The following DOCK1 variants were observed in gnomAD, a reference collection of about 807,000 sequenced individuals.
DOCK1 encodes the protein dedicator of cytokinesis protein 1.
Under a neutral mutation model 262.7 loss-of-function variants are expected in DOCK1, and 138 were observed. The ratio of observed to expected loss-of-function variants is 0.53; its 90% CI spans 0.46 to 0.61. The LOEUF is 0.61. DOCK1 is among the 20% of genes least tolerant of loss of function. DOCK1 has a pLI of 0.00. For synonymous variants in DOCK1, 866 were observed against 867.4 expected (o/e 1.00, Z 0.03); for missense variants, 1,908 against 2,370.7 (o/e 0.80, Z 4.05).
rs1013582320 is a variant in DOCK1 at position 126,941,023 on chromosome 10, C to G, written c.47-29679C>G. ...GATAAACAACCAAAGTAATTATCAT[C>G]TGTACATTCACATTTTTCCATCACA... On this transcript the variant is annotated intron_variant, in intron 1 of 51. Transcript: ENST00000623213. Among the ~76,000 whole-genome samples, 1,384 of 152,300 alleles carry G rather than the reference C, an allele frequency of 9.1e-3. 18 individuals are homozygous for G. Among genetic ancestry groups the G allele is most frequent in the Non-Finnish European group, 0.013 (865 of 68,030 alleles).
intron 29 of DOCK1, among the ~76,000 whole-genome samples, chr10:127,266,690 G>T (rs1265979939): frequency 6.6e-6 from 1 of 152,230 alleles, no homozygotes. Flanking sequence ...TGGTCTCTGA[G>T]AATTTGGGGT....
intron 29 of DOCK1, among the ~76,000 whole-genome samples, chr10:127,266,056 C>T (rs2060341893): frequency 6.6e-6 from 1 of 152,218 alleles, no homozygotes; most frequent in African/African-American, 2.4e-5. Context: ...AAATTAGTGC[C>T]CACGTGCAGG....
At chr10:127,009,559 A>G (rs1177621873) in intron 11 of DOCK1, among the ~76,000 whole-genome samples, 2 of 152,102 alleles carry the variant, frequency 1.3e-5, no homozygotes, top group Non-Finnish European at 2.9e-5. Flanking sequence ...GTTAATTGTA[A>G]GAGACAGCTT....
At chr10:127,119,855 A>G (rs1425311877) in intron 25 of DOCK1, among the ~76,000 whole-genome samples, 1 of 152,254 alleles carries the variant, frequency 6.6e-6, no homozygotes, top group Non-Finnish European at 1.5e-5. Context: ...GGTTATGGTC[A>G]GATATTCTGC....
chr10:127,354,492 C>T (rs988837376), intron 31 of DOCK1, among the ~76,000 whole-genome samples, 177 bp from the exon 32 acceptor site: 1 of 152,162 alleles, frequency 6.6e-6, no homozygotes, highest in Admixed American at 6.5e-5. Context: ...GTGAGATTTC[C>T]CCCAGCTAGA....
Position 127,061,864 on chromosome 10 carries a change from A to G in DOCK1, c.2445+88A>G. On this transcript the variant is annotated intron_variant, in intron 23 of 51. Transcript: ENST00000623213. ...GAGGTAGGTATTTTGATTACAGTTA[A>G]TTAACTTGCCCCAAATACCATAGTT... 4.1e-6 allele frequency: 4 copies of G among 977,718 alleles called. No individual in the cohort carries two copies. The South Asian group carries it at 5.1e-5, about 12-fold the overall frequency. The allele number at this position is 977,718 out of a possible 1,614,324, so 60.6% of individuals were successfully genotyped here.
rs535750912 is a variant in DOCK1 at position 127,004,134 on chromosome 10, A to G, written c.985+3827A>G. On this transcript the variant is annotated intron_variant, in intron 10 of 51. Transcript: ENST00000623213. ...TTGGGCGTGGTGCTGTGTGCCTGTAATCCCAGCTACTCAGGAGTCTGAGGC... is the reference window on the plus strand; with the variant it reads ...TTGGGCGTGGTGCTGTGTGCCTGTAGTCCCAGCTACTCAGGAGTCTGAGGC... Among the ~76,000 whole-genome samples the G allele has an allele frequency of 4.0e-5, 6 of 151,278 alleles. No individual in the cohort carries two copies. In the South Asian group the frequency reaches 8.4e-4, roughly 21 times the overall value.
intron 29 of DOCK1, among the ~76,000 whole-genome samples, chr10:127,262,795 C>T (rs774633261): frequency 3.2e-4 from 48 of 152,202 alleles, no homozygotes; most frequent in Non-Finnish European, 5.9e-4. Flanking sequence ...CCTCCCAGCA[C>T]CAGGCACTGC....
At chr10:127,082,732 G>C (rs1188138775) in intron 23 of DOCK1, among the ~76,000 whole-genome samples, 1 of 152,116 alleles carries the variant, frequency 6.6e-6, no homozygotes, top group Non-Finnish European at 1.5e-5. Context: ...TGTCTGGCTG[G>C]AGGGGAAGGA....
At chr10:127,057,296 G>A (rs1297464225) in intron 22 of DOCK1, among the ~76,000 whole-genome samples, 1 of 152,150 alleles carries the variant, frequency 6.6e-6, no homozygotes, top group Non-Finnish European at 1.5e-5. Context: ...TTGCAGCTGG[G>A]ATAAACTTTT....
chr10:126,920,658 A>G (rs922260314), intron 1 of DOCK1, among the ~76,000 whole-genome samples: 1 of 152,254 alleles, frequency 6.6e-6, no homozygotes, highest in Non-Finnish European at 1.5e-5. Context: ...CTTTTTCTGC[A>G]GAGATCTAGA....
At chr10:126,931,628 C>T (rs1015427546) in intron 1 of DOCK1, among the ~76,000 whole-genome samples, 31 of 152,266 alleles carry the variant, frequency 2.0e-4, no homozygotes, top group African/African-American at 6.7e-4. Context: ...ATGGGGTGGT[C>T]GACTTTCCAG....
intron 29 of DOCK1, among the ~76,000 whole-genome samples, chr10:127,325,306 T>C (rs1055711039): frequency 1.3e-5 from 2 of 152,248 alleles, no homozygotes; most frequent in Admixed American, 1.3e-4. Context: ...TCCTTTAAGC[T>C]GGCACTCGCT....
At chr10:127,412,809 T>G (rs1277645579) in intron 43 of DOCK1, among the ~76,000 whole-genome samples, 2 of 152,210 alleles carry the variant, frequency 1.3e-5, no homozygotes, top group Non-Finnish European at 2.9e-5. Flanking sequence ...GAGGCCAGAT[T>G]CCTTGTGTGT....
At chr10:127,109,953 GTGTTACCT>G (rs1425373425) in intron 24 of DOCK1, among the ~76,000 whole-genome samples, 1 of 151,988 alleles carries the variant, frequency 6.6e-6, no homozygotes, top group African/African-American at 2.4e-5. Flanking sequence ...TGGCTGTGCT[GTGTTACCT>G]TCCCACCAGC....
At chr10:127,262,322 CTT>C (rs1381179417) in intron 29 of DOCK1, among the ~76,000 whole-genome samples, 1 of 151,934 alleles carries the variant, frequency 6.6e-6, no homozygotes, top group Non-Finnish European at 1.5e-5. Context: ...AGTAAAGACA[CTT>C]TTATTTGCAG....
intron 18 of DOCK1, among the ~76,000 whole-genome samples, chr10:127,036,588 C>A (rs1191799004): frequency 6.6e-6 from 1 of 151,506 alleles, no homozygotes; most frequent in Non-Finnish European, 1.5e-5. Flanking sequence ...GGTATTTTTT[C>A]GAGTAATGGG....
chr10:127,289,870 CT>C (rs35573082), intron 29 of DOCK1, among the ~76,000 whole-genome samples: 4,353 of 140,586 alleles, frequency 0.031, 190 homozygotes, highest in African/African-American at 0.098. Flanking sequence ...ATGTCTTATG[CT>C]TTTTTTTTTT....
At position 126,990,450 on chromosome 10, in the gene DOCK1, T is replaced by A; in HGVS notation, c.325-5T>A. ...ATCTTTCTGATTGGGTTTTTCCCCGTATAGCAAGATAACAGGGAGATGTTT... is the reference window on the plus strand; with the variant it reads ...ATCTTTCTGATTGGGTTTTTCCCCGAATAGCAAGATAACAGGGAGATGTTT... On this transcript the variant is annotated splice_region_variant and splice_polypyrimidine_tract_variant and intron_variant, in intron 5 of 51. Transcript: ENST00000623213. 6.2e-7 allele frequency: 1 copy of A among 1,602,600 alleles called. No individual in the cohort carries two copies. Among genetic ancestry groups the A allele is most frequent in the African/African-American group, 1.3e-5 (1 of 74,884 alleles).
Sources: allele counts gnomAD v4.1 joint callset (sites outside exome capture counted in the v4.1 genomes callset), GRCh38; gene constraint gnomAD v4.1.1; transcripts MANE v1.5; gene names NCBI Gene and HGNC (gene_info 2026-07-23, HGNC 2026-07-21).